The following NIBAN1 variants were observed in gnomAD, a reference collection of about 807,000 sequenced individuals.
NIBAN1 encodes niban apoptosis regulator 1, also known as protein Niban 1.
NIBAN1 carries 81 observed loss-of-function variants against 75.1 expected under a neutral mutation model. That is an observed-to-expected ratio of 1.08 (90% CI 0.90 to 1.30). NIBAN1 has a LOEUF of 1.30. Among genes scored for constraint, NIBAN1 ranks in the 50% most tolerant of loss-of-function variants. NIBAN1 has a pLI of 0.00. For synonymous variants in NIBAN1, 436 were observed against 424.8 expected, an observed-to-expected ratio of 1.03 and a Z score of -0.32; for missense variants, 1,133 against 1,128.1, an observed-to-expected ratio of 1.00 and a Z score of -0.06.
chr1:184,884,714 C>A lies in NIBAN1; in HGVS notation c.520G>T (p.Gly174Cys). Residue 174 changes from glycine (G) to cysteine (C), a missense_variant, in exon 5 of 14, where the codon GGC becomes TGC. Gly to Cys is a radical substitution (Grantham distance 159). Coordinates refer to ENST00000367511, the MANE Select transcript of NIBAN1 (RefSeq NM_052966.4). Reference sequence around the variant, plus strand: ...GCAGCCTCGTGGAAGCAGAAGTAGCCGTGTCTGAAGAAGGGCTGCCACAGG... The same window carrying A: ...GCAGCCTCGTGGAAGCAGAAGTAGCAGTGTCTGAAGAAGGGCTGCCACAGG... ...VYLWQPFFRH[G>C]YFCFHEAADQ... 2 of 1,614,168 alleles carry A rather than the reference C, an allele frequency of 1.2e-6. No individual in the cohort carries two copies. The highest frequency in any genetic ancestry group is 1.7e-6 in the Non-Finnish European group (2 of 1,180,012).
Position 184,974,436 on chromosome 1 carries a change from G to A in NIBAN1, c.-80C>T. On this transcript the variant is annotated 5_prime_UTR_variant, in exon 1 of 14. Transcript: ENST00000367511. The stretch of plus-strand genomic sequence containing the variant: ...AGCTCCTGGAGGTTGATCCGACGGC[G>A]AACCCGGCTCTGAAATTAAGAGCAA... The A allele has an allele frequency of 6.7e-7, 1 of 1,485,482 alleles. No homozygotes were observed. Among genetic ancestry groups the A allele is most frequent in the East Asian group, 2.7e-5 (1 of 36,870 alleles). The allele number at this position is 1,485,482 out of a possible 1,614,324, so 92.0% of individuals were successfully genotyped here.
chr1:184,836,013 G>A (rs1440260903), intron 5 of NIBAN1, among the ~76,000 whole-genome samples: 3 of 152,178 alleles, frequency 2.0e-5, no homozygotes, highest in Non-Finnish European at 4.4e-5. Flanking sequence ...TTTGAGATAT[G>A]AAGAATCAAG....
intron 1 of NIBAN1, among the ~76,000 whole-genome samples, chr1:184,932,401 A>G (rs1041474297): frequency 6.6e-6 from 1 of 152,232 alleles, no homozygotes; most frequent in Non-Finnish European, 1.5e-5. Context: ...TTAGATTCTC[A>G]TAAGGATCAT....
intron 1 of NIBAN1, among the ~76,000 whole-genome samples, chr1:184,949,124 C>T (rs957330764): frequency 6.6e-6 from 1 of 152,020 alleles, no homozygotes; most frequent in Non-Finnish European, 1.5e-5. Context: ...GAGGCCGAGG[C>T]GGGCGGATCA....
intron 1 of NIBAN1, among the ~76,000 whole-genome samples, chr1:184,969,141 A>C (rs1658871407): frequency 6.6e-6 from 1 of 152,240 alleles, no homozygotes; most frequent in East Asian, 1.9e-4. Context: ...ATGGGAGTTC[A>C]TGTGGACAGC....
At chr1:184,928,015 G>A (rs985499270) in intron 1 of NIBAN1, among the ~76,000 whole-genome samples, 1 of 152,022 alleles carries the variant, frequency 6.6e-6, no homozygotes, top group African/African-American at 2.4e-5. Flanking sequence ...GTACTGCCTG[G>A]GTACTGCTGA....
intron 1 of NIBAN1, among the ~76,000 whole-genome samples, chr1:184,904,475 T>C (rs906420395): frequency 2.6e-5 from 4 of 152,202 alleles, no homozygotes; most frequent in Non-Finnish European, 5.9e-5. Context: ...GCTGGCCCCT[T>C]TGAAGCCATT....
chr1:184,791,608 C>A lies in NIBAN1; in HGVS notation c.*3369G>T, dbSNP rs1653697835. ...GTTTTTTTCAAGGGAAATATTTTTT[C>A]TCTGTGAAAGGTCAGTAGTAAAAGA... On this transcript the variant is annotated 3_prime_UTR_variant, in exon 14 of 14. Coordinates refer to ENST00000367511, the MANE Select transcript of NIBAN1 (RefSeq NM_052966.4). The A allele has an allele frequency of 6.6e-6, 1 of 150,534 alleles. No individual in the cohort carries two copies. Among genetic ancestry groups the A allele is most frequent in the African/African-American group, 2.5e-5 (1 of 40,808 alleles). 9.3% of individuals were successfully genotyped at this position (150,534 alleles called of 1,614,324 possible).
At chr1:184,973,342 T>A (rs768115660) in intron 1 of NIBAN1, among the ~76,000 whole-genome samples, 1 of 152,208 alleles carries the variant, frequency 6.6e-6, no homozygotes, top group Non-Finnish European at 1.5e-5. Flanking sequence ...AAATAAATGA[T>A]TTCCTCTTAG....
intron 5 of NIBAN1, among the ~76,000 whole-genome samples, chr1:184,863,715 G>T (rs1655876925): frequency 6.6e-6 from 1 of 152,138 alleles, no homozygotes; most frequent in South Asian, 2.1e-4. Flanking sequence ...TGACCTGGTT[G>T]CCAGACCTCT....
chr1:184,948,080 C>T (rs1269743835), intron 1 of NIBAN1, among the ~76,000 whole-genome samples: 2 of 151,892 alleles, frequency 1.3e-5, no homozygotes, highest in East Asian at 1.9e-4. Context: ...TTTATTCAAC[C>T]TACTCCCAGA....
intron 1 of NIBAN1, 89 bp downstream of exon 1, chr1:184,974,213 C>G: frequency 3.8e-6 from 5 of 1,320,254 alleles, no homozygotes; most frequent in Middle Eastern, 2.7e-4. Context: ...GGAGAGGGCC[C>G]GGGGCGCGCC....
chr1:184,818,614 C>G (rs757437852), intron 9 of NIBAN1, 24 bp downstream of exon 9: 1 of 1,548,070 alleles, frequency 6.5e-7, no homozygotes, highest in South Asian at 1.2e-5. Flanking sequence ...CATTCACACC[C>G]AGCTCCTCAG....
chr1:184,796,287 T>C (rs549506467), intron 13 of NIBAN1, among the ~76,000 whole-genome samples, 190 bp from the exon 14 acceptor site: 1 of 152,326 alleles, frequency 6.6e-6, no homozygotes, highest in South Asian at 2.1e-4. Flanking sequence ...ATTCATTCAT[T>C]TATTCAAACA....
intron 6 of NIBAN1, among the ~76,000 whole-genome samples, chr1:184,827,230 G>A (rs12130418): frequency 0.024 from 3,605 of 151,774 alleles, 69 homozygotes; most frequent in Non-Finnish European, 0.037. Context: ...GACTAATACA[G>A]TGGGGGAGTG....
At chr1:184,865,074 A>C (rs1219527911) in intron 5 of NIBAN1, among the ~76,000 whole-genome samples, 1 of 152,078 alleles carries the variant, frequency 6.6e-6, no homozygotes, top group East Asian at 1.9e-4. Flanking sequence ...ATCTCACACC[A>C]GTCAGAATGG....
chr1:184,834,303 G>A (rs1357938046), intron 5 of NIBAN1, among the ~76,000 whole-genome samples: 2 of 152,124 alleles, frequency 1.3e-5, no homozygotes, highest in East Asian at 1.9e-4. Flanking sequence ...ATTGTGAATA[G>A]TGCCACAATA....
At chr1:184,912,897 C>T (rs1175450296) in intron 1 of NIBAN1, among the ~76,000 whole-genome samples, 1 of 152,112 alleles carries the variant, frequency 6.6e-6, no homozygotes, top group Admixed American at 6.5e-5. Flanking sequence ...TAGAATGCAA[C>T]ATGGGCTGGA....
chr1:184,955,486 G>A (rs557265996), intron 1 of NIBAN1, among the ~76,000 whole-genome samples: 27 of 151,860 alleles, frequency 1.8e-4, no homozygotes, highest in Admixed American at 4.6e-4. Context: ...CTACAGGTGC[G>A]CACCACCACG....
Sources: allele counts gnomAD v4.1 joint callset (sites outside exome capture counted in the v4.1 genomes callset), GRCh38; gene constraint gnomAD v4.1.1; transcripts MANE v1.5; gene names NCBI Gene and HGNC (gene_info 2026-07-23, HGNC 2026-07-21).